The following TAF4B variants were observed in gnomAD, a reference collection of about 807,000 sequenced individuals.
TAF4B encodes transcription initiation factor TFIID subunit 4B.
TAF4B carries 38 observed loss-of-function variants against 86.4 expected under a neutral mutation model. The ratio of observed to expected loss-of-function variants is 0.44; its 90% CI spans 0.34 to 0.58. The LOEUF is 0.58. Ranked by LOEUF, TAF4B falls within the 20% of genes least tolerant of loss-of-function variation. TAF4B has a pLI of 0.02. For synonymous variants in TAF4B, 388 were observed against 391.2 expected (o/e 0.99, Z 0.10); for missense variants, 988 against 1,027.6 (o/e 0.96, Z 0.53).
chr18:26,293,345 A>C, intron 8 of TAF4B, 81 bp from the exon 9 acceptor site: 1 of 922,356 alleles, frequency 1.1e-6, no homozygotes. Context: ...TATATATATA[A>C]AAAACGGTTG....
At chr18:26,385,694 TCTTC>T (rs1173873194) in intron 14 of TAF4B, among the ~76,000 whole-genome samples, 2 of 134,790 alleles carry the variant, frequency 1.5e-5, no homozygotes, top group Admixed American at 7.2e-5. Flanking sequence ...TTTTTTTTTT[TCTTC>T]TTCTTCTTCT....
intron 1 of TAF4B, among the ~76,000 whole-genome samples, chr18:26,262,893 A>G (rs1364761823): frequency 6.6e-6 from 1 of 151,954 alleles, no homozygotes; most frequent in Non-Finnish European, 1.5e-5. Flanking sequence ...TGAAAGTGGA[A>G]CTCCAGCTGT....
At chr18:26,356,006 C>A (rs2057285909) in intron 13 of TAF4B, among the ~76,000 whole-genome samples, 2 of 152,130 alleles carry the variant, frequency 1.3e-5, no homozygotes. Flanking sequence ...AGTTCATTTT[C>A]TTTAATTAAT....
In TAF4B at chr18:26,227,323, G is replaced by A. The variant is rs183837725; in HGVS notation, c.343+47G>A. The A allele has an allele frequency of 1.6e-5, 25 of 1,567,908 alleles. No individual in the cohort carries two copies. The East Asian group carries it at 5.4e-4, about 34-fold the overall frequency. ...GCCTTGTCTGTCGGTCCAGCTGGCG[G>A]CGACGGGAAAATTCGCAGCTCCAGA... On this transcript the variant is annotated intron_variant, in intron 1 of 14. Coordinates refer to ENST00000269142, the MANE Select transcript of TAF4B (RefSeq NM_005640.3).
At chr18:26,300,307 T>TTTA (rs57272091) in intron 9 of TAF4B, among the ~76,000 whole-genome samples, 21,772 of 145,272 alleles carry the variant, frequency 0.15, 1,984 homozygotes, top group African/African-American at 0.26. Context: ...AATGTAGGCA[T>TTTA]TTATTATTAT....
chr18:26,321,548 C>T (rs1230767608), intron 11 of TAF4B, among the ~76,000 whole-genome samples: 4 of 140,692 alleles, frequency 2.8e-5, no homozygotes, highest in Non-Finnish European at 4.6e-5. Context: ...ATTCCTGTTC[C>T]TTTTTTTTTT....
At chr18:26,273,852 TGCTTGTAGAACATAG>T (rs1419312682) in intron 3 of TAF4B, among the ~76,000 whole-genome samples, 1 of 152,236 alleles carries the variant, frequency 6.6e-6, no homozygotes, top group Non-Finnish European at 1.5e-5. Flanking sequence ...TTGTGTTGCA[TGCTTGTAGAACATAG>T]ACATTTAAAT....
At chr18:26,310,861 C>T (rs2056847698) in intron 9 of TAF4B, among the ~76,000 whole-genome samples, 1 of 151,238 alleles carries the variant, frequency 6.6e-6, no homozygotes, top group Admixed American at 6.6e-5. Flanking sequence ...GTACAGTATA[C>T]TTTATTGATG....
rs58691265 is a variant in TAF4B at position 26,315,095 on chromosome 18, ACTCT to A, written c.1833-87_1833-84del. ...ACCTCTAATTCTTTTGCTCTCTGAA[ACTCT>A]CTCTCTCTCTCTCTCTCTCTCTCTC... is the stretch of plus-strand genomic sequence containing the variant. On this transcript the variant is annotated intron_variant, in intron 9 of 14. Coordinates refer to ENST00000269142, the MANE Select transcript of TAF4B (RefSeq NM_005640.3). 6.3e-3 allele frequency: 1,375 copies of A among 219,968 alleles called. 10 individuals carry two copies. Among genetic ancestry groups the A allele is most frequent in the Admixed American group, 0.025 (218 of 8,824 alleles). 13.6% of individuals were successfully genotyped at this position (219,968 alleles called of 1,614,324 possible). A position where few individuals can be genotyped will look rare whatever the true frequency, so the allele number is the denominator to read the frequency against.
chr18:26,315,159 T>TCA (rs1415957433), intron 9 of TAF4B, 70 bp from the exon 10 acceptor site: 15 of 301,532 alleles, frequency 5.0e-5, no homozygotes, highest in East Asian at 3.5e-4. Context: ...TCTCTCTCTC[T>TCA]CTCACACACA....
intron 1 of TAF4B, among the ~76,000 whole-genome samples, chr18:26,242,476 G>C (rs2055854863): frequency 6.6e-6 from 1 of 152,058 alleles, no homozygotes; most frequent in African/African-American, 2.4e-5. Flanking sequence ...GCCTATGTGT[G>C]TCTCTGCACG....
At chr18:26,258,083 G>A (rs1350349457) in intron 1 of TAF4B, among the ~76,000 whole-genome samples, 2 of 151,884 alleles carry the variant, frequency 1.3e-5, no homozygotes, top group Admixed American at 6.6e-5. Context: ...GTGAAACACC[G>A]TCTCTACTAA....
intron 9 of TAF4B, chr18:26,304,919 T>A (rs1598781221): frequency 1.0e-6 from 1 of 972,630 alleles, no homozygotes; most frequent in Non-Finnish European, 1.2e-6. Context: ...CCCATTTATC[T>A]GTTGACTACT....
chr18:26,383,655 C>G (rs1167985756), intron 14 of TAF4B, among the ~76,000 whole-genome samples: 2 of 152,130 alleles, frequency 1.3e-5, no homozygotes, highest in East Asian at 1.9e-4. Context: ...CTCTATAGCT[C>G]TCATAATTAC....
intron 11 of TAF4B, among the ~76,000 whole-genome samples, chr18:26,321,808 A>G (rs1340543418): frequency 6.6e-6 from 1 of 152,128 alleles, no homozygotes; most frequent in African/African-American, 2.4e-5. Context: ...CTTATGTTCT[A>G]CATTAGATCT....
intron 8 of TAF4B, among the ~76,000 whole-genome samples, chr18:26,292,937 A>AGT (rs2056611599): frequency 7.8e-6 from 1 of 127,690 alleles, no homozygotes; most frequent in African/African-American, 2.5e-5. Flanking sequence ...ACAACCTATT[A>AGT]GTAAATAAGG....
chr18:26,311,546 A>G (rs1389948610), intron 9 of TAF4B, among the ~76,000 whole-genome samples: 2 of 152,084 alleles, frequency 1.3e-5, no homozygotes, highest in African/African-American at 2.4e-5. Flanking sequence ...GCTTGAACCC[A>G]GGTGGTGGAG....
chr18:26,231,341 TGGGG>T (rs1297735672), intron 1 of TAF4B, among the ~76,000 whole-genome samples: 1 of 76,122 alleles, frequency 1.3e-5, no homozygotes, highest in African/African-American at 5.3e-5. Context: ...CCCAGCTGCT[TGGGG>T]TTTTTTTTTT....
At position 26,312,577 on chromosome 18, in the gene TAF4B, T is replaced by A. The variant is rs76244140; in HGVS notation, c.1833-2652T>A. On this transcript the variant is annotated intron_variant, in intron 9 of 14. Transcript: ENST00000269142. ...TGGGACTGTCTCCTCATTGACTGAA[T>A]TCTGTTCAGTGCTAATACAATGCTA... Among the ~76,000 whole-genome samples, 104 of 152,302 alleles carry A rather than the reference T, an allele frequency of 6.8e-4. 3 individuals are homozygous for A. The East Asian group carries it at 0.019, about 28-fold the overall frequency.
Sources: gnomAD v4.1 joint callset for allele counts (sites outside exome capture counted in the v4.1 genomes callset) on GRCh38, gnomAD v4.1.1 for gene constraint, MANE v1.5 for transcripts, NCBI Gene and HGNC (gene_info 2026-07-23, HGNC 2026-07-21) for gene names.